TBC1D1: variants seen among roughly 807,000 people sequenced by gnomAD.
The protein encoded by TBC1D1 is TBC1 domain family member 1, also known as TBC1 (tre-2/USP6, BUB2, cdc16) domain family, member 1.
In TBC1D1, 89 loss-of-function variants were observed where a neutral mutation model predicts 125.6. The observed-to-expected ratio is 0.71, with a 90% CI of 0.60 to 0.85. The LOEUF (loss-of-function observed/expected upper bound fraction) is 0.85. Ranked by LOEUF, TBC1D1 falls within the 40% of genes least tolerant of loss-of-function variation. TBC1D1 has a pLI of 0.00. For missense variants in TBC1D1, 1,377 were observed against 1,469.2 expected, an observed-to-expected ratio of 0.94 and a Z score of 1.03; for synonymous variants, 565 against 564.1, an observed-to-expected ratio of 1.00 and a Z score of -0.02.
At chr4:37,994,313 C>T (rs1036432497) in intron 2 of TBC1D1, among the ~76,000 whole-genome samples, 6 of 152,094 alleles carry the variant, frequency 3.9e-5, no homozygotes, top group Non-Finnish European at 8.8e-5. Context: ...TTTTTTGAGA[C>T]GAGGTCTTGC....
intron 2 of TBC1D1, among the ~76,000 whole-genome samples, chr4:37,909,358 AGT>A (rs1165331546): frequency 2.0e-5 from 3 of 152,156 alleles, no homozygotes; most frequent in Non-Finnish European, 4.4e-5. Flanking sequence ...CTTATTTTTG[AGT>A]GTCGCTTTGT....
At chr4:38,111,484 T>TA (rs1311184684) in intron 15 of TBC1D1, among the ~76,000 whole-genome samples, 1 of 152,198 alleles carries the variant, frequency 6.6e-6, no homozygotes, top group South Asian at 2.1e-4. Flanking sequence ...CTCATACATA[T>TA]AAAAAATTAT....
chr4:38,125,249 G>GCAGA, intron 18 of TBC1D1, 118 bp downstream of exon 20: 2 of 940,714 alleles, frequency 2.1e-6, no homozygotes, highest in Non-Finnish European at 3.2e-6. Context: ...CATTCTGCAT[G>GCAGA]ATGCCTGGCA....
At chr4:38,066,525 G>T (rs1753755420) in intron 12 of TBC1D1, among the ~76,000 whole-genome samples, 1 of 151,952 alleles carries the variant, frequency 6.6e-6, no homozygotes, top group South Asian at 2.1e-4. Flanking sequence ...TAGAGACAGG[G>T]TCTCACCATG....
intron 2 of TBC1D1, among the ~76,000 whole-genome samples, chr4:37,912,936 A>C (rs1718926742): frequency 6.6e-6 from 1 of 152,226 alleles, no homozygotes; most frequent in African/African-American, 2.4e-5. Context: ...AGCACTGATC[A>C]GGGAAGTGAA....
chr4:38,129,720 A>T (rs984749992), intron 18 of TBC1D1, among the ~76,000 whole-genome samples: 12 of 152,216 alleles, frequency 7.9e-5, no homozygotes, highest in African/African-American at 2.9e-4. Flanking sequence ...CAAGAACATA[A>T]ACAGACAATT....
intron 2 of TBC1D1, among the ~76,000 whole-genome samples, chr4:37,969,456 C>T (rs1217040453): frequency 3.3e-5 from 5 of 152,220 alleles, no homozygotes; most frequent in African/African-American, 4.8e-5. Flanking sequence ...GATTTTCCTG[C>T]CTCAGCCTCT....
chr4:38,067,764 A>G (rs1455172645), intron 12 of TBC1D1, among the ~76,000 whole-genome samples: 1 of 152,198 alleles, frequency 6.6e-6, no homozygotes, highest in Non-Finnish European at 1.5e-5. Context: ...CCCAGTGTAC[A>G]GCAGGCTGCA....
intron 1 of TBC1D1, among the ~76,000 whole-genome samples, chr4:37,895,087 C>A (rs1002872449): frequency 6.6e-6 from 1 of 152,178 alleles, no homozygotes; most frequent in Admixed American, 6.6e-5. Context: ...AACTCTGGAG[C>A]CAAAGGGCCT....
At chr4:38,028,679 G>GA (rs1186813695) in intron 7 of TBC1D1, among the ~76,000 whole-genome samples, 9 of 152,174 alleles carry the variant, frequency 5.9e-5, no homozygotes, top group African/African-American at 1.7e-4. Context: ...GAATAAGAGA[G>GA]AAGAAATTAT....
At chr4:38,081,365 CAAAG>C (rs1210546680) in intron 12 of TBC1D1, among the ~76,000 whole-genome samples, 1 of 152,036 alleles carries the variant, frequency 6.6e-6, no homozygotes, top group Non-Finnish European at 1.5e-5. Context: ...GTCAGCCAGA[CAAAG>C]AAAGGCCAAA....
intron 12 of TBC1D1, among the ~76,000 whole-genome samples, chr4:38,078,312 T>C (rs1224342043): frequency 2.6e-5 from 4 of 152,208 alleles, no homozygotes; most frequent in African/African-American, 7.2e-5. Flanking sequence ...TTTAAACATA[T>C]TCCTTTTTTC....
intron 16 of TBC1D1, among the ~76,000 whole-genome samples, chr4:38,116,195 T>C (rs1461008157): frequency 2.0e-5 from 3 of 152,108 alleles, no homozygotes; most frequent in Admixed American, 2.0e-4. Flanking sequence ...AGATTATAAA[T>C]TGGGCCCAGT....
At chr4:38,057,969 C>T (rs1420959779) in intron 12 of TBC1D1, among the ~76,000 whole-genome samples, 2 of 152,326 alleles carry the variant, frequency 1.3e-5, no homozygotes, top group East Asian at 1.9e-4. Flanking sequence ...CTGTGCTTCC[C>T]TCTTCCCACA....
chr4:37,966,644 T>G (rs1451610359), intron 2 of TBC1D1, among the ~76,000 whole-genome samples: 1 of 152,186 alleles, frequency 6.6e-6, no homozygotes, highest in East Asian at 1.9e-4. Context: ...TTTTTTTAAT[T>G]ATTATACTTT....
At chr4:37,968,531 T>G (rs978044533) in intron 2 of TBC1D1, among the ~76,000 whole-genome samples, 9 of 152,240 alleles carry the variant, frequency 5.9e-5, no homozygotes, top group African/African-American at 2.2e-4. Context: ...GACATGGATA[T>G]ATCAAGGTAG....
In TBC1D1 at chr4:38,089,999, T is replaced by C. The variant is rs373688498; in HGVS notation, c.2118T>C (p.Phe706=). The C allele has an allele frequency of 1.2e-6, 2 of 1,614,096 alleles. No individual in the cohort carries two copies. The highest frequency in any genetic ancestry group is 1.1e-5 in the South Asian group (1 of 91,066). ...AACCAGTTTGTGAAGATGGGCCCTT[T>C]GGCCCCCCACCAGAGGAAAAGAAAA... The change falls in exon 13 of 20, where the codon TTT becomes TTC. Residue 706 remains phenylalanine (F), a synonymous_variant. Coordinates refer to ENST00000261439, the MANE Select transcript of TBC1D1 (RefSeq NM_015173.4).
chr4:37,927,214 C>G (rs1329811839), intron 2 of TBC1D1, among the ~76,000 whole-genome samples: 2 of 152,144 alleles, frequency 1.3e-5, no homozygotes, highest in African/African-American at 4.8e-5. Flanking sequence ...GAAGAGATCA[C>G]TTAGATCTTC....
rs542453160 is a variant in TBC1D1, at chr4:38,037,503, G to A, written c.1413+1805G>A. 5.9e-5 allele frequency among the ~76,000 whole-genome samples: 9 copies of A among 152,222 alleles called. No homozygotes were observed. In the South Asian group the frequency reaches 1.9e-3, roughly 32 times the overall value. ...GAGGAGTGGGTTTTTCAGAGCAGCA[G>A]CTGCTTTATAGACCCATTAGGCACA... On this transcript the variant is annotated intron_variant, in intron 8 of 19. Coordinates refer to ENST00000261439, the MANE Select transcript of TBC1D1 (RefSeq NM_015173.4).
Sources: gnomAD v4.1 joint callset for allele counts (sites outside exome capture counted in the v4.1 genomes callset) on GRCh38, gnomAD v4.1.1 for gene constraint, MANE v1.5 for transcripts, NCBI Gene and HGNC (gene_info 2026-07-23, HGNC 2026-07-21) for gene names.